The following TBC1D22A variants were observed in gnomAD, a reference collection of about 807,000 sequenced individuals.
The protein encoded by TBC1D22A is TBC1 domain family member 22A.
In TBC1D22A, 38 loss-of-function variants were observed where a neutral mutation model predicts 60.2. The ratio of observed to expected loss-of-function variants is 0.63; its 90% CI spans 0.49 to 0.83. The LOEUF is 0.83. TBC1D22A is among the 40% of genes least tolerant of loss of function. The pLI is 0.00. For synonymous variants in TBC1D22A, 302 were observed against 281.7 expected (o/e 1.07, Z -0.72); for missense variants, 628 against 701.0 (o/e 0.90, Z 1.18).
intron 12 of TBC1D22A, among the ~76,000 whole-genome samples, chr22:47,155,272 C>G (rs1457723034): frequency 6.6e-6 from 1 of 152,112 alleles, no homozygotes; most frequent in Non-Finnish European, 1.5e-5. Flanking sequence ...CCATGAGAGA[C>G]TCCTCGGAAG....
At chr22:46,828,702 C>T (rs2086178472) in intron 4 of TBC1D22A, among the ~76,000 whole-genome samples, 1 of 152,200 alleles carries the variant, frequency 6.6e-6, no homozygotes, top group South Asian at 2.1e-4. Flanking sequence ...GAGGCCACAC[C>T]TCTCACCACC....
At chr22:47,086,025 G>A (rs1360863564) in intron 11 of TBC1D22A, among the ~76,000 whole-genome samples, 5 of 152,226 alleles carry the variant, frequency 3.3e-5, no homozygotes, top group Non-Finnish European at 7.3e-5. Flanking sequence ...GCATGCCAGT[G>A]CCCACTAGAA....
chr22:46,890,935 C>T (rs917139480), intron 5 of TBC1D22A, among the ~76,000 whole-genome samples: 15 of 152,212 alleles, frequency 9.9e-5, no homozygotes, highest in South Asian at 6.2e-4. Context: ...TGTTTCATCT[C>T]GCAGCCCTGT....
intron 11 of TBC1D22A, among the ~76,000 whole-genome samples, chr22:47,048,536 G>A (rs896605731): frequency 2.0e-5 from 3 of 152,198 alleles, no homozygotes; most frequent in Non-Finnish European, 2.9e-5. Context: ...TTGCCTTCCA[G>A]ATGTTCACAG....
intron 7 of TBC1D22A, among the ~76,000 whole-genome samples, chr22:46,900,508 G>A (rs748842620): frequency 1.3e-5 from 2 of 152,028 alleles, no homozygotes; most frequent in Non-Finnish European, 2.9e-5. Flanking sequence ...GAACATTTCC[G>A]TCACTCTGCG....
chr22:46,913,869 G>C, intron 8 of TBC1D22A: 1 of 619,774 alleles, frequency 1.6e-6, no homozygotes, highest in African/African-American at 2.0e-5. Flanking sequence ...CAGGATGAAG[G>C]GGCATGACCA....
chr22:46,998,013 T>C (rs2075178767), intron 10 of TBC1D22A, among the ~76,000 whole-genome samples: 1 of 152,210 alleles, frequency 6.6e-6, no homozygotes, highest in African/African-American at 2.4e-5. Flanking sequence ...GATGGTTGTT[T>C]ATGGTGGTCC....
At chr22:47,082,233 CT>C (rs2064498563) in intron 11 of TBC1D22A, among the ~76,000 whole-genome samples, 1 of 152,070 alleles carries the variant, frequency 6.6e-6, no homozygotes, top group East Asian at 1.9e-4. Flanking sequence ...TCCTACTAAC[CT>C]TTATTATAGA....
intron 11 of TBC1D22A, among the ~76,000 whole-genome samples, chr22:47,085,464 A>C (rs894930196): frequency 2.6e-5 from 4 of 152,116 alleles, no homozygotes; most frequent in Non-Finnish European, 5.9e-5. Context: ...TTTTTGCTTG[A>C]ATTTTCCATC....
At chr22:46,861,138 TG>T (rs1188659583) in intron 4 of TBC1D22A, among the ~76,000 whole-genome samples, 2 of 152,212 alleles carry the variant, frequency 1.3e-5, no homozygotes, top group East Asian at 3.9e-4. Context: ...TTTATTTTTT[TG>T]TAGAGATGGA....
chr22:46,882,805 T>A (rs2067917367), intron 5 of TBC1D22A, among the ~76,000 whole-genome samples: 1 of 152,262 alleles, frequency 6.6e-6, no homozygotes, highest in Non-Finnish European at 1.5e-5. Context: ...AAAGCTGTGC[T>A]TGAATGGGAA....
intron 1 of TBC1D22A, among the ~76,000 whole-genome samples, chr22:46,771,042 C>G (rs919863417): frequency 1.3e-5 from 2 of 152,170 alleles, no homozygotes; most frequent in African/African-American, 4.8e-5. Flanking sequence ...TATTAAATGT[C>G]TTACTTTGTC....
intron 8 of TBC1D22A, among the ~76,000 whole-genome samples, chr22:46,927,384 A>AT (rs2071109207): frequency 6.6e-6 from 1 of 152,238 alleles, no homozygotes; most frequent in East Asian, 1.9e-4. Flanking sequence ...TGGAGAAAGC[A>AT]TTTGACAAAA....
chr22:46,974,331 G>A lies in TBC1D22A; in HGVS notation c.1057G>A (p.Ala353Thr), dbSNP rs148990656. ...CACGGTGGACGTCTCCGGCGTGCCC[G>A]CAGAGGTGCTGTGCAACATCGAGGC... ...VDTVDVSGVPAEVLCNIEADT... is the reference protein window; with the variant it reads ...VDTVDVSGVPTEVLCNIEADT... The change falls in exon 9 of 13, where the codon GCA becomes ACA. Residue 353 changes from alanine (A) to threonine (T), a missense_variant. Transcript: ENST00000337137. The A allele has an allele frequency of 6.4e-4, 1,028 of 1,608,240 alleles. 2 individuals are homozygous for A. Among genetic ancestry groups the A allele is most frequent in the South Asian group, 3.6e-3 (321 of 89,732 alleles).
At chr22:46,895,660 C>T (rs1292428348) in intron 7 of TBC1D22A, among the ~76,000 whole-genome samples, 8 of 152,248 alleles carry the variant, frequency 5.3e-5, no homozygotes, top group African/African-American at 1.7e-4. Context: ...GTGTGAGCCA[C>T]GGCGCCCGGC....
intron 8 of TBC1D22A, among the ~76,000 whole-genome samples, chr22:46,968,717 C>T (rs2073930137): frequency 1.3e-5 from 2 of 152,212 alleles, no homozygotes; most frequent in South Asian, 2.1e-4. Context: ...CCATCCATCC[C>T]ACTGTTTCTT....
chr22:47,159,040 T>TAC (rs745841047), intron 12 of TBC1D22A, among the ~76,000 whole-genome samples: 3 of 123,782 alleles, frequency 2.4e-5, no homozygotes, highest in Admixed American at 2.3e-4. Flanking sequence ...ACACCATGTA[T>TAC]ACACACACAC....
chr22:46,822,764 C>T (rs981815935), intron 4 of TBC1D22A, among the ~76,000 whole-genome samples: 29 of 152,150 alleles, frequency 1.9e-4, no homozygotes, highest in African/African-American at 6.3e-4. Context: ...AGCACTTTGT[C>T]CCTTGGTGGA....
At chr22:46,815,269 G>C (rs924249805) in intron 4 of TBC1D22A, among the ~76,000 whole-genome samples, 1 of 152,142 alleles carries the variant, frequency 6.6e-6, no homozygotes, top group African/African-American at 2.4e-5. Context: ...GCTGTGCGGC[G>C]GTCGCTTGTT....
Sources: gnomAD v4.1 joint callset for allele counts (sites outside exome capture counted in the v4.1 genomes callset) on GRCh38, gnomAD v4.1.1 for gene constraint, MANE v1.5 for transcripts, NCBI Gene and HGNC (gene_info 2026-07-23, HGNC 2026-07-21) for gene names.